Variants in PACRG observed in about 807,000 individuals in gnomAD.
The protein encoded by PACRG is parkin coregulated gene protein.
Under a neutral mutation model 29.7 loss-of-function variants are expected in PACRG, and 29 were observed. That is an observed-to-expected ratio of 0.98 (90% CI 0.73 to 1.33). PACRG has a LOEUF of 1.33. Among genes scored for constraint, PACRG ranks in the 40% most tolerant of loss-of-function variants. PACRG has a pLI of 0.00. For missense variants in PACRG, 279 were observed against 316.2 expected, an observed-to-expected ratio of 0.88 and a Z score of 0.89; for synonymous variants, 116 against 118.7, an observed-to-expected ratio of 0.98 and a Z score of 0.15.
chr6:162,882,659 ACT>A (rs912175385), intron 2 of PACRG, among the ~76,000 whole-genome samples: 4 of 152,144 alleles, frequency 2.6e-5, no homozygotes, highest in African/African-American at 9.6e-5. Flanking sequence ...ATGAGACTCG[ACT>A]CTGAACATCA....
intron 2 of PACRG, among the ~76,000 whole-genome samples, chr6:163,024,710 A>ATT (rs78603533): frequency 6.6e-5 from 10 of 151,626 alleles, no homozygotes; most frequent in African/African-American, 2.4e-4. Flanking sequence ...TGAACATGAG[A>ATT]TTTTTTTTTA....
chr6:162,763,111 A>T (rs1290539951), intron 1 of PACRG, among the ~76,000 whole-genome samples: 1 of 152,248 alleles, frequency 6.6e-6, no homozygotes, highest in Non-Finnish European at 1.5e-5. Flanking sequence ...CAAATTTACA[A>T]TATCCATTCA....
intron 2 of PACRG, among the ~76,000 whole-genome samples, chr6:162,985,523 C>A (rs73609715): frequency 0.048 from 7,274 of 152,034 alleles, 448 homozygotes; most frequent in African/African-American, 0.14. Flanking sequence ...ATGATTAAAA[C>A]CCTCACCAAA....
At chr6:163,029,596 A>G (rs1332306988) in intron 2 of PACRG, among the ~76,000 whole-genome samples, 1 of 152,192 alleles carries the variant, frequency 6.6e-6, no homozygotes, top group Non-Finnish European at 1.5e-5. Context: ...GGTGGAAAGG[A>G]GAGGGATTGT....
At chr6:163,226,930 G>A (rs1781828430) in intron 4 of PACRG, among the ~76,000 whole-genome samples, 1 of 152,206 alleles carries the variant, frequency 6.6e-6, no homozygotes, top group African/African-American at 2.4e-5. Flanking sequence ...GTTCATAAGT[G>A]TGATGAGTAG....
chr6:163,025,291 A>G (rs1296642566), intron 2 of PACRG, among the ~76,000 whole-genome samples: 1 of 152,248 alleles, frequency 6.6e-6, no homozygotes, highest in Non-Finnish European at 1.5e-5. Context: ...GAAGAAGTCA[A>G]ACTATCTCTC....
At chr6:163,193,819 T>C (rs2128362810) in intron 4 of PACRG, among the ~76,000 whole-genome samples, 1 of 152,016 alleles carries the variant, frequency 6.6e-6, no homozygotes, top group Non-Finnish European at 1.5e-5. Context: ...ATTTTAAACA[T>C]ATTGGAGAAA....
intron 4 of PACRG, among the ~76,000 whole-genome samples, chr6:163,163,469 G>C (rs1307751656): frequency 6.6e-6 from 1 of 152,094 alleles, no homozygotes; most frequent in African/African-American, 2.4e-5. Context: ...GCAGGGTTTT[G>C]CCATGTTGGC....
intron 1 of PACRG, among the ~76,000 whole-genome samples, chr6:162,804,314 A>G (rs1179398953): frequency 6.6e-6 from 1 of 152,118 alleles, no homozygotes; most frequent in Non-Finnish European, 1.5e-5. Flanking sequence ...TCCTCATCCA[A>G]TCGGTCAGGT....
At chr6:162,925,943 A>G (rs996655067) in intron 2 of PACRG, among the ~76,000 whole-genome samples, 2 of 152,166 alleles carry the variant, frequency 1.3e-5, no homozygotes, top group Non-Finnish European at 2.9e-5. Context: ...GCTGATATGC[A>G]ACTTCAGCAA....
intron 1 of PACRG, among the ~76,000 whole-genome samples, chr6:162,763,588 A>C (rs918951802): frequency 3.9e-5 from 6 of 152,194 alleles, no homozygotes; most frequent in African/African-American, 1.4e-4. Context: ...TCTGAAAATG[A>C]GTATCACAGT....
chr6:162,988,406 G>A (rs1803101983), intron 2 of PACRG, among the ~76,000 whole-genome samples: 1 of 152,146 alleles, frequency 6.6e-6, no homozygotes, highest in Non-Finnish European at 1.5e-5. Context: ...GGAGACAGTA[G>A]CAATGAAGCC....
intron 2 of PACRG, among the ~76,000 whole-genome samples, chr6:162,882,819 T>C (rs1246809349): frequency 6.6e-6 from 1 of 152,216 alleles, no homozygotes; most frequent in African/African-American, 2.4e-5. Flanking sequence ...ATTATTTCCA[T>C]TGTGCTCACT....
chr6:163,145,266 G>A (rs1016379243), intron 4 of PACRG, among the ~76,000 whole-genome samples: 1 of 152,190 alleles, frequency 6.6e-6, no homozygotes, highest in Non-Finnish European at 1.5e-5. Context: ...TCTTTTCACA[G>A]TGTAATGAGG....
intron 4 of PACRG, among the ~76,000 whole-genome samples, chr6:163,218,261 G>C (rs1297790320): frequency 6.6e-6 from 1 of 152,102 alleles, no homozygotes; most frequent in Non-Finnish European, 1.5e-5. Flanking sequence ...AGCAATCTCT[G>C]TGCAGTTATC....
At chr6:163,079,937 G>A (rs948576483) in intron 3 of PACRG, among the ~76,000 whole-genome samples, 19 of 119,096 alleles carry the variant, frequency 1.6e-4, no homozygotes, top group East Asian at 5.2e-4. Flanking sequence ...TCACTCTGTC[G>A]CCCAGGCTGG....
chr6:162,947,028 TG>T (rs1260319536), intron 2 of PACRG, among the ~76,000 whole-genome samples: 1 of 151,738 alleles, frequency 6.6e-6, no homozygotes, highest in African/African-American at 2.4e-5. Context: ...TCATACTAAA[TG>T]GGCAAAAGCT....
Position 162,822,789 on chromosome 6 carries a change from T to A in PACRG, c.291+8508T>A, listed in dbSNP as rs1373895035. ...TTTAATTGAAATTAGCATTCTTAAA[T>A]TACAATTGCTTCCCTTCATATCTCT... On this transcript the variant is annotated intron_variant, in intron 2 of 4. Coordinates refer to ENST00000366888, the MANE Select transcript of PACRG (RefSeq NM_001080379.2). 2.0e-5 allele frequency among the ~76,000 whole-genome samples: 3 copies of A among 152,176 alleles called. No homozygotes were observed. In the East Asian group the frequency reaches 5.8e-4, roughly 29 times the overall value.
At position 162,735,509 on chromosome 6, in the gene PACRG, C is replaced by G. The variant is rs191706308; in HGVS notation, c.156+7118C>G. 1.3e-3 allele frequency among the ~76,000 whole-genome samples: 201 copies of G among 152,246 alleles called. 1 individual carries two copies. The highest frequency in any genetic ancestry group is 4.5e-3 in the African/African-American group (188 of 41,540). On this transcript the variant is annotated intron_variant, in intron 1 of 4. Transcript: ENST00000366888. ...TGACTAATGAAGTTAACAACTTCTT[C>G]ATATATTTACTGTCCATTTGGATAT...
Sources: allele counts gnomAD v4.1 joint callset (sites outside exome capture counted in the v4.1 genomes callset), GRCh38; gene constraint gnomAD v4.1.1; transcripts MANE v1.5; gene names NCBI Gene and HGNC (gene_info 2026-07-23, HGNC 2026-07-21).